The following BTBD9 variants were observed in gnomAD, a reference collection of about 807,000 sequenced individuals.
The protein encoded by BTBD9 is BTB/POZ domain-containing protein 9.
A neutral mutation model predicts 64.3 loss-of-function variants in BTBD9; 49 were observed. The ratio of observed to expected loss-of-function variants is 0.76; its 90% CI spans 0.61 to 0.97. The LOEUF is 0.97. Ranked by LOEUF, BTBD9 falls within the 50% of genes least tolerant of loss-of-function variation. The pLI, the probability that BTBD9 is intolerant of heterozygous loss-of-function variation, is 0.00. For missense variants in BTBD9, 598 were observed against 762.1 expected, an observed-to-expected ratio of 0.78 and a Z score of 2.53; for synonymous variants, 260 against 274.7, an observed-to-expected ratio of 0.95 and a Z score of 0.53.
chr6:38,409,164 C>T lies in BTBD9; in HGVS notation c.1155-64071G>A, dbSNP rs1012464876. Among the ~76,000 whole-genome samples, 10 of 152,246 alleles carry T rather than the reference C, an allele frequency of 6.6e-5. No homozygotes were observed. The East Asian group carries it at 1.7e-3, about 26-fold the overall frequency. ...ACTTGGGAGGCGGAGGCAGGAGAAT[C>T]GCTTGAACTAGGGAGGTGGAGGTTG... is the stretch of plus-strand genomic sequence containing the variant. On this transcript the variant is annotated intron_variant, in intron 6 of 10. Transcript: ENST00000481247.
intron 10 of BTBD9, among the ~76,000 whole-genome samples, chr6:38,190,467 T>TAAAAAAA (rs70981527): frequency 3.9e-5 from 3 of 77,510 alleles, no homozygotes; most frequent in African/African-American, 1.4e-4. Context: ...AAACTCTGTC[T>TAAAAAAA]AAAAAAAAAA....
chr6:38,272,719 C>T (rs1357016610), intron 8 of BTBD9, among the ~76,000 whole-genome samples: 2 of 152,128 alleles, frequency 1.3e-5, no homozygotes, highest in African/African-American at 4.8e-5. Context: ...ACCACCAATT[C>T]TCAAACAATT....
At chr6:38,245,125 C>T (rs1262006667) in intron 9 of BTBD9, among the ~76,000 whole-genome samples, 1 of 152,208 alleles carries the variant, frequency 6.6e-6, no homozygotes, top group Admixed American at 6.5e-5. Context: ...GTGTTAGGTG[C>T]TTGCTAGGCT....
At chr6:38,230,463 C>A (rs975264244) in intron 9 of BTBD9, among the ~76,000 whole-genome samples, 3 of 133,886 alleles carry the variant, frequency 2.2e-5, no homozygotes, top group African/African-American at 8.5e-5. Context: ...ACATTGCACT[C>A]TAACCTGGGC....
intron 6 of BTBD9, among the ~76,000 whole-genome samples, chr6:38,561,991 T>A (rs1196536789): frequency 2.6e-5 from 4 of 152,308 alleles, no homozygotes; most frequent in Admixed American, 1.3e-4. Context: ...CTATAAAGCA[T>A]CTATCCTTAT....
intron 1 of BTBD9, among the ~76,000 whole-genome samples, chr6:38,608,476 A>C (rs1777500620): frequency 1.3e-5 from 2 of 152,210 alleles, no homozygotes; most frequent in African/African-American, 2.4e-5. Flanking sequence ...CTCAGATTTA[A>C]ATTATATGAT....
intron 6 of BTBD9, among the ~76,000 whole-genome samples, chr6:38,459,318 T>G (rs1222677849): frequency 6.6e-6 from 1 of 152,196 alleles, no homozygotes; most frequent in Non-Finnish European, 1.5e-5. Flanking sequence ...TGCCTGGCTA[T>G]GACCACCCTT....
intron 5 of BTBD9, 93 bp downstream of exon 5, chr6:38,580,125 T>C: frequency 8.4e-7 from 1 of 1,195,102 alleles, no homozygotes; most frequent in Non-Finnish European, 1.2e-6. Flanking sequence ...CACAAAGAAA[T>C]AAACCATCAT....
chr6:38,568,859 T>C (rs1775635074), intron 6 of BTBD9, among the ~76,000 whole-genome samples: 2 of 152,204 alleles, frequency 1.3e-5, no homozygotes, highest in South Asian at 4.1e-4. Context: ...GGGAGTCTTT[T>C]AATCTTAAAG....
intron 7 of BTBD9, among the ~76,000 whole-genome samples, chr6:38,318,518 C>G (rs1180956547): frequency 6.6e-6 from 1 of 152,180 alleles, no homozygotes; most frequent in Non-Finnish European, 1.5e-5. Flanking sequence ...TTCTTATAGA[C>G]TCATAGAGGT....
At chr6:38,308,507 A>C (rs1281899016) in intron 7 of BTBD9, among the ~76,000 whole-genome samples, 1 of 152,236 alleles carries the variant, frequency 6.6e-6, no homozygotes, top group African/African-American at 2.4e-5. Flanking sequence ...TTTTTCTGTG[A>C]GTAGTATCAT....
chr6:38,319,505 A>G (rs1410878432), intron 7 of BTBD9, among the ~76,000 whole-genome samples: 4 of 151,764 alleles, frequency 2.6e-5, no homozygotes, highest in Admixed American at 2.6e-4. Context: ...TCAGCACGTG[A>G]TGAATCCTGC....
At chr6:38,292,741 C>A (rs1368820971) in intron 7 of BTBD9, among the ~76,000 whole-genome samples, 1 of 152,070 alleles carries the variant, frequency 6.6e-6, no homozygotes, top group Non-Finnish European at 1.5e-5. Context: ...AGTGGTCTAT[C>A]TATTTTGTCA....
intron 6 of BTBD9, among the ~76,000 whole-genome samples, chr6:38,462,510 T>C (rs981943944): frequency 1.3e-5 from 2 of 152,248 alleles, no homozygotes; most frequent in Admixed American, 6.5e-5. Flanking sequence ...ATCTTTTATA[T>C]GACTACTATA....
chr6:38,444,266 T>C (rs1769174323), intron 6 of BTBD9, among the ~76,000 whole-genome samples: 1 of 152,222 alleles, frequency 6.6e-6, no homozygotes, highest in South Asian at 2.1e-4. Flanking sequence ...CAGTCATGTT[T>C]GTGTTATTCA....
intron 6 of BTBD9, among the ~76,000 whole-genome samples, chr6:38,377,874 T>C (rs1765756472): frequency 6.6e-6 from 1 of 152,214 alleles, no homozygotes. Context: ...AAGAAATCAA[T>C]GTACCAACTT....
intron 6 of BTBD9, among the ~76,000 whole-genome samples, chr6:38,371,044 AT>A (rs1313882264): frequency 5.3e-5 from 8 of 152,054 alleles, no homozygotes; most frequent in Admixed American, 2.6e-4. Flanking sequence ...GCTGTGATCC[AT>A]TTTGTCTCTG....
intron 1 of BTBD9, among the ~76,000 whole-genome samples, chr6:38,603,821 G>C (rs920299138): frequency 4.6e-5 from 7 of 152,194 alleles, no homozygotes; most frequent in African/African-American, 1.4e-4. Flanking sequence ...CTTGAGGAAA[G>C]AGATAGCATT....
intron 9 of BTBD9, among the ~76,000 whole-genome samples, chr6:38,252,226 A>G (rs1379807544): frequency 6.6e-6 from 1 of 152,208 alleles, no homozygotes; most frequent in East Asian, 1.9e-4. Flanking sequence ...AATGCTATCA[A>G]GAGGCGGAGC....
Sources: allele counts gnomAD v4.1 joint callset (sites outside exome capture counted in the v4.1 genomes callset), GRCh38; gene constraint gnomAD v4.1.1; transcripts MANE v1.5; gene names NCBI Gene and HGNC (gene_info 2026-07-23, HGNC 2026-07-21).